KCTD1: variants seen among roughly 807,000 people sequenced by gnomAD.
KCTD1 encodes BTB/POZ domain-containing protein KCTD1.
A neutral mutation model predicts 66.0 loss-of-function variants in KCTD1; 24 were observed. The observed-to-expected ratio is 0.36, with a 90% CI of 0.26 to 0.51. KCTD1 has a LOEUF of 0.51. Among genes scored for constraint, KCTD1 ranks in the 20% least tolerant of loss-of-function variants. KCTD1 has a pLI of 0.95. For missense variants in KCTD1, 943 were observed against 1,205.2 expected (o/e 0.78, Z 3.22); for synonymous variants, 511 against 517.2 (o/e 0.99, Z 0.16).
At chr18:26,657,281 C>G (rs990401200) in intron 1 of KCTD1, 7 of 958,188 alleles carry the variant, frequency 7.3e-6, no homozygotes, top group Non-Finnish European at 7.5e-6. Flanking sequence ...CTGGCACATG[C>G]GTAAAAGCGA....
At chr18:26,626,800 G>A (rs1987512063) in intron 1 of KCTD1, among the ~76,000 whole-genome samples, 1 of 152,102 alleles carries the variant, frequency 6.6e-6, no homozygotes, top group Admixed American at 6.5e-5. Context: ...TAAGAAACAA[G>A]ACCTATCCAT....
rs568097078 is a variant in KCTD1, at chr18:26,600,670, C to G, written c.-16+28477G>C. On this transcript the variant is annotated intron_variant, in intron 1 of 4. Coordinates refer to the KCTD1 transcript ENST00000317932. The stretch of plus-strand genomic sequence containing the variant: ...CAGAACACTCTTGAGCCCAGGCATC[C>G]TTGAGCATTAACACTCTAACAGAGC... 5.3e-5 allele frequency among the ~76,000 whole-genome samples: 8 copies of G among 152,098 alleles called. No individual in the cohort carries two copies. The East Asian group carries it at 1.6e-3, about 30-fold the overall frequency.
intron 4 of KCTD1, chr18:26,457,250 T>A (rs1419677387): frequency 6.6e-6 from 1 of 152,146 alleles, no homozygotes; most frequent in East Asian, 1.9e-4. Flanking sequence ...TGCATATGCA[T>A]ACCTGTCAGC....
intron 2 of KCTD1, among the ~76,000 whole-genome samples, chr18:26,482,876 T>C (rs1358678782): frequency 1.3e-5 from 2 of 152,200 alleles, no homozygotes; most frequent in African/African-American, 4.8e-5. Context: ...CAAAGACAGA[T>C]GGACCACAGG....
intron 1 of KCTD1, among the ~76,000 whole-genome samples, chr18:26,535,394 G>T (rs947794949): frequency 1.3e-5 from 2 of 152,066 alleles, no homozygotes; most frequent in African/African-American, 4.8e-5. Context: ...CCCAGCGAGC[G>T]TCAGACCCCC....
At chr18:26,486,541 G>C (rs1981929964) in intron 2 of KCTD1, among the ~76,000 whole-genome samples, 1 of 152,202 alleles carries the variant, frequency 6.6e-6, no homozygotes, top group Admixed American at 6.5e-5. Context: ...GGGTTTCTCA[G>C]TATTCGCAAC....
chr18:26,564,057 C>T (rs1985924686), intron 1 of KCTD1, among the ~76,000 whole-genome samples: 1 of 150,816 alleles, frequency 6.6e-6, no homozygotes, highest in Non-Finnish European at 1.5e-5. Flanking sequence ...AGCATAGCTA[C>T]TGGCACGTAG....
intron 3 of KCTD1, among the ~76,000 whole-genome samples, chr18:26,470,363 G>A (rs557615726): frequency 2.0e-4 from 30 of 152,300 alleles, no homozygotes; most frequent in African/African-American, 5.5e-4. Flanking sequence ...CTGTGGGATC[G>A]TCTGACAAGG....
chr18:26,605,287 A>G (rs1986986731), intron 1 of KCTD1, among the ~76,000 whole-genome samples: 1 of 152,112 alleles, frequency 6.6e-6, no homozygotes, highest in South Asian at 2.1e-4. Context: ...GAAGAGAGAC[A>G]ACAAATTAGT....
At chr18:26,634,772 A>C (rs2145052125) in intron 1 of KCTD1, among the ~76,000 whole-genome samples, 2 of 152,248 alleles carry the variant, frequency 1.3e-5, no homozygotes, top group Middle Eastern at 3.4e-3. Context: ...TATTTTACGG[A>C]GAAGAAACTA....
chr18:26,464,489 C>T (rs1296504061), intron 3 of KCTD1, among the ~76,000 whole-genome samples: 1 of 152,244 alleles, frequency 6.6e-6, no homozygotes, highest in East Asian at 1.9e-4. Context: ...ATTGTATTCA[C>T]AGGTTCTGAG....
chr18:26,570,750 C>T (rs1986088590), intron 1 of KCTD1, among the ~76,000 whole-genome samples: 1 of 152,144 alleles, frequency 6.6e-6, no homozygotes, highest in Admixed American at 6.5e-5. Context: ...ACAGATGTTT[C>T]TCAATTTACC....
chr18:26,469,283 C>T (rs1980923619), intron 3 of KCTD1, among the ~76,000 whole-genome samples: 1 of 151,912 alleles, frequency 6.6e-6, no homozygotes, highest in East Asian at 1.9e-4. Flanking sequence ...CTGGAATCCT[C>T]AGGGAGCACG....
chr18:26,617,049 A>G (rs1288052988), intron 1 of KCTD1, among the ~76,000 whole-genome samples: 2 of 152,202 alleles, frequency 1.3e-5, no homozygotes, highest in Non-Finnish European at 2.9e-5. Context: ...CCAGACTGTT[A>G]AGTGTACTCT....
intron 1 of KCTD1, among the ~76,000 whole-genome samples, chr18:26,584,469 A>G (rs1986427427): frequency 6.6e-6 from 1 of 152,218 alleles, no homozygotes; most frequent in African/African-American, 2.4e-5. Context: ...TTAAATCTAC[A>G]TATGTAATTT....
At position 26,547,328 on chromosome 18, in the gene KCTD1, C is replaced by T. The variant is rs1985293835; in HGVS notation, c.1209G>A (p.Lys403=). The change falls in exon 1 of 5, where the codon AAG becomes AAA. Residue 403 remains lysine, a synonymous_variant. Coordinates refer to ENST00000580059, the MANE Select transcript of KCTD1 (RefSeq NM_001142730.3). ...KYLSKRNPLC[K]AFFQRPRDHC... The stretch of plus-strand genomic sequence containing the variant: ...GGTCCCGGGGCCGCTGGAAGAACGC[C>T]TTGCAGAGAGGGTTGCGTTTCGACA... The T allele has an allele frequency of 1.3e-6, 2 of 1,551,514 alleles. No individual in the cohort carries two copies. Among genetic ancestry groups the T allele is most frequent in the South Asian group, 1.2e-5 (1 of 84,062 alleles).
chr18:26,531,555 A>G (rs1984435220), intron 1 of KCTD1, among the ~76,000 whole-genome samples: 1 of 152,230 alleles, frequency 6.6e-6, no homozygotes, highest in East Asian at 1.9e-4. Context: ...CAGTATCAAA[A>G]TTCAAAACGG....
chr18:26,584,935 A>G (rs1040488015), intron 1 of KCTD1, among the ~76,000 whole-genome samples: 1 of 152,166 alleles, frequency 6.6e-6, no homozygotes, highest in African/African-American at 2.4e-5. Context: ...TAGGAGGAGC[A>G]CGTAGTCCTG....
At chr18:26,511,868 A>G (rs1983349785) in intron 1 of KCTD1, among the ~76,000 whole-genome samples, 1 of 152,132 alleles carries the variant, frequency 6.6e-6, no homozygotes, top group Non-Finnish European at 1.5e-5. Flanking sequence ...GTGATCACAG[A>G]GAAGGCGGGG....
Sources: allele counts gnomAD v4.1 joint callset (sites outside exome capture counted in the v4.1 genomes callset), GRCh38; gene constraint gnomAD v4.1.1; transcripts MANE v1.5; gene names NCBI Gene and HGNC (gene_info 2026-07-23, HGNC 2026-07-21).